Variants in CAMTA1 observed in about 807,000 individuals in gnomAD.
The protein encoded by CAMTA1 is calmodulin-binding transcription activator 1.
In CAMTA1, 27 loss-of-function variants were observed where a neutral mutation model predicts 170.9. That is an observed-to-expected ratio of 0.16 (90% CI 0.12 to 0.22). The LOEUF (loss-of-function observed/expected upper bound fraction) is 0.22. CAMTA1 is among the 10% of genes least tolerant of loss of function. CAMTA1 has a pLI of 1.00. For missense variants in CAMTA1, 1,619 were observed against 2,217.2 expected, an observed-to-expected ratio of 0.73 and a Z score of 5.42; for synonymous variants, 833 against 891.5, an observed-to-expected ratio of 0.93 and a Z score of 1.17.
chr1:7,537,579 G>A (rs1440715672), intron 6 of CAMTA1, among the ~76,000 whole-genome samples: 2 of 152,222 alleles, frequency 1.3e-5, no homozygotes, highest in Non-Finnish European at 2.9e-5. Flanking sequence ...CCCTGGGGAC[G>A]CTGGTCCTCA....
chr1:7,308,653 GTTATTGATTTCTAAATTAATT>G (rs1259792012), intron 5 of CAMTA1, among the ~76,000 whole-genome samples: 1 of 151,996 alleles, frequency 6.6e-6, no homozygotes, highest in Non-Finnish European at 1.5e-5. Flanking sequence ...TTATCTTTCT[GTTATTGATTTCTAAATTAATT>G]TAATCATCAG....
At chr1:7,591,195 GGACC>G (rs1441310119) in intron 6 of CAMTA1, among the ~76,000 whole-genome samples, 2 of 152,210 alleles carry the variant, frequency 1.3e-5, no homozygotes, top group African/African-American at 4.8e-5. Flanking sequence ...CTCTGAGAAA[GGACC>G]GATCCAAAGA....
At chr1:7,232,712 T>A (rs4908608) in intron 4 of CAMTA1, among the ~76,000 whole-genome samples, 1 of 151,876 alleles carries the variant, frequency 6.6e-6, no homozygotes. Flanking sequence ...TCTCCCTTTG[T>A]GGCAGCTACT....
In CAMTA1 at chr1:7,249,430, T is replaced by C; in HGVS notation, c.303-61T>C. 1 of 1,482,954 alleles carries C rather than the reference T, an allele frequency of 6.7e-7. No homozygotes were observed. Among genetic ancestry groups the C allele is most frequent in the Non-Finnish European group, 9.2e-7 (1 of 1,087,060 alleles). The allele number at this position is 1,482,954 out of a possible 1,614,324, so 91.9% of individuals were successfully genotyped here. On this transcript the variant is annotated intron_variant, in intron 4 of 22. Coordinates refer to ENST00000303635, the MANE Select transcript of CAMTA1 (RefSeq NM_015215.4). This position sits in a 1 kb window ranked among gnomAD's most constrained non-coding sequence, Gnocchi z 4.4. Reference sequence around the variant, plus strand: ...AGACTTTTACTGGTCGATGATATCTTTCTTCATAAATTTTTCTTCTACTTG... The same window carrying C: ...AGACTTTTACTGGTCGATGATATCTCTCTTCATAAATTTTTCTTCTACTTG...
In CAMTA1 at chr1:6,828,394, C is replaced by T. The variant is rs5020308; in HGVS notation, c.234+3184C>T. On this transcript the variant is annotated intron_variant, in intron 3 of 22. Coordinates refer to ENST00000303635, the MANE Select transcript of CAMTA1 (RefSeq NM_015215.4). ...GCAACCTCCGCCTCCCGGGTTCAAGCGGTTCTCCTGCCTCAGTTTCCCAAG... is the reference window on the plus strand; with the variant it reads ...GCAACCTCCGCCTCCCGGGTTCAAGTGGTTCTCCTGCCTCAGTTTCCCAAG... Among the ~76,000 whole-genome samples, 1,051 of 146,376 alleles carry T rather than the reference C, an allele frequency of 7.2e-3. 9 individuals are homozygous for T. The highest frequency in any genetic ancestry group is 0.025 in the African/African-American group (983 of 39,816).
intron 3 of CAMTA1, among the ~76,000 whole-genome samples, chr1:6,850,778 T>G (rs183532198): frequency 6.6e-6 from 1 of 152,196 alleles, no homozygotes; most frequent in East Asian, 1.9e-4. Context: ...TGAACAGAGT[T>G]TTTGTTAGAC....
intron 5 of CAMTA1, among the ~76,000 whole-genome samples, chr1:7,431,833 G>A (rs1235274922): frequency 2.0e-5 from 3 of 152,180 alleles, no homozygotes; most frequent in East Asian, 1.9e-4. Flanking sequence ...TAAGCCCCTG[G>A]AGACCACCCT....
chr1:6,934,684 C>A lies in CAMTA1; in HGVS notation c.234+109474C>A, dbSNP rs532902300. ...GCCTCCCCTCCCTTCACCACCACCC[C>A]CTCCCCTCTCTCCCCTCTTATGCCC... On this transcript the variant is annotated intron_variant, in intron 3 of 22. Coordinates refer to ENST00000303635, the MANE Select transcript of CAMTA1 (RefSeq NM_015215.4). This position sits in a 1 kb window ranked among gnomAD's most constrained non-coding sequence, Gnocchi z 4.5. Among the ~76,000 whole-genome samples, 1 of 152,094 alleles carries A rather than the reference C, an allele frequency of 6.6e-6. No homozygotes were observed. The highest frequency in any genetic ancestry group is 1.9e-4 in the East Asian group (1 of 5,166).
At chr1:7,461,303 T>C (rs1247141410) in intron 5 of CAMTA1, among the ~76,000 whole-genome samples, 1 of 152,114 alleles carries the variant, frequency 6.6e-6, no homozygotes, top group African/African-American at 2.4e-5. Context: ...TCGTGGCCCC[T>C]GGGGTCCCAA....
At position 7,234,057 on chromosome 1, in the gene CAMTA1, A is replaced by T. The variant is rs965364331; in HGVS notation, c.303-15434A>T. ...AGATTGGAGTCCTCGCTTTTCCTTC[A>T]TCGCTGTTAATACACGTGTACCCTT... On this transcript the variant is annotated intron_variant, in intron 4 of 22. Coordinates refer to ENST00000303635, the MANE Select transcript of CAMTA1 (RefSeq NM_015215.4). The surrounding 1 kb of genome is among the most constrained non-coding windows in gnomAD (Gnocchi z 5.0). Among the ~76,000 whole-genome samples the T allele has an allele frequency of 6.6e-6, 1 of 152,036 alleles. No individual in the cohort carries two copies. The highest frequency in any genetic ancestry group is 2.4e-5 in the African/African-American group (1 of 41,392).
rs151122992 is a variant in CAMTA1 at position 6,953,357 on chromosome 1, C to T, written c.234+128147C>T. Among the ~76,000 whole-genome samples the T allele has an allele frequency of 2.6e-3, 392 of 152,344 alleles. 2 individuals carry two copies. Among genetic ancestry groups the T allele is most frequent in the Middle Eastern group, 0.024 (7 of 294 alleles). On this transcript the variant is annotated intron_variant, in intron 3 of 22. Coordinates refer to ENST00000303635, the MANE Select transcript of CAMTA1 (RefSeq NM_015215.4). ...GACTTGGAGGGGCCAGGGTCCAACC[C>T]CGGGAACGTGGCCAAGATCTCAGTT...
At chr1:7,028,411 G>C (rs1055953638) in intron 3 of CAMTA1, among the ~76,000 whole-genome samples, 2 of 152,184 alleles carry the variant, frequency 1.3e-5, no homozygotes, top group Non-Finnish European at 2.9e-5. Flanking sequence ...TGAAACTGCT[G>C]AATATACTCA....
chr1:6,899,224 G>A (rs997745410), intron 3 of CAMTA1, among the ~76,000 whole-genome samples: 1 of 152,202 alleles, frequency 6.6e-6, no homozygotes, highest in Non-Finnish European at 1.5e-5. Flanking sequence ...AGGTTATAGT[G>A]TTTTCCTGAT....
chr1:6,791,878 T>C (rs1641196068), intron 1 of CAMTA1, among the ~76,000 whole-genome samples: 1 of 152,196 alleles, frequency 6.6e-6, no homozygotes, highest in African/African-American at 2.4e-5. Flanking sequence ...GATTAAGCCA[T>C]GTTCCTATTT....
At chr1:7,630,945 T>C (rs1028030648) in intron 6 of CAMTA1, among the ~76,000 whole-genome samples, 1 of 152,208 alleles carries the variant, frequency 6.6e-6, no homozygotes, top group African/African-American at 2.4e-5. Context: ...GGGCCCCTCT[T>C]TCAGTTCCTA....
At chr1:7,439,466 C>A (rs969801306) in intron 5 of CAMTA1, among the ~76,000 whole-genome samples, 1 of 152,182 alleles carries the variant, frequency 6.6e-6, no homozygotes, top group Non-Finnish European at 1.5e-5. Context: ...TGCCTCACTG[C>A]GACTCTGCCA....
chr1:7,222,426 C>T (rs557834331), intron 4 of CAMTA1, among the ~76,000 whole-genome samples: 1 of 152,302 alleles, frequency 6.6e-6, no homozygotes, highest in South Asian at 2.1e-4. Flanking sequence ...CCTCCTCTTT[C>T]TCCCTTCCTC....
At chr1:7,411,379 A>G (rs554976176) in intron 5 of CAMTA1, among the ~76,000 whole-genome samples, 1 of 152,280 alleles carries the variant, frequency 6.6e-6, no homozygotes, top group African/African-American at 2.4e-5. Context: ...GTCTACTGAA[A>G]ACACAAAAGA....
At position 7,565,285 on chromosome 1, in the gene CAMTA1, T is replaced by A. The variant is rs2095025810; in HGVS notation, c.511-75115T>A. 6.6e-6 allele frequency among the ~76,000 whole-genome samples: 1 copy of A among 152,038 alleles called. No individual in the cohort carries two copies. Among genetic ancestry groups the A allele is most frequent in the Admixed American group, 6.5e-5 (1 of 15,272 alleles). On this transcript the variant is annotated intron_variant, in intron 6 of 22. Transcript: ENST00000303635. This position sits in a 1 kb window ranked among gnomAD's most constrained non-coding sequence, Gnocchi z 4.5. ...AAGGGCTGGAGAAGTGGGCGCTGCCTTTGGGGCCCACGGGCCTATGGGGAT... is the reference window on the plus strand; with the variant it reads ...AAGGGCTGGAGAAGTGGGCGCTGCCATTGGGGCCCACGGGCCTATGGGGAT...
Sources: allele counts gnomAD v4.1 joint callset (sites outside exome capture counted in the v4.1 genomes callset), GRCh38; gene constraint gnomAD v4.1.1; non-coding constraint Gnocchi (gnomAD v3.1); transcripts MANE v1.5; gene names NCBI Gene and HGNC (gene_info 2026-07-23, HGNC 2026-07-21).